Variants in NAA16 observed in about 807,000 individuals in gnomAD.
The protein encoded by NAA16 is NARG1-like protein.
In NAA16, 97 loss-of-function variants were observed where a neutral mutation model predicts 110.3. The observed-to-expected ratio is 0.88, with a 90% CI of 0.75 to 1.04. The LOEUF (loss-of-function observed/expected upper bound fraction) is 1.04, where lower values mean the gene tolerates loss of function less well. Ranked by LOEUF, NAA16 falls within the 50% of genes least tolerant of loss-of-function variation. NAA16 has a pLI of 0.00. For synonymous variants in NAA16, 372 were observed against 330.6 expected (o/e 1.13, Z -1.36); for missense variants, 1,017 against 1,005.1 (o/e 1.01, Z -0.16).
At chr13:41,315,429 C>T (rs1018202968) in intron 1 of NAA16, among the ~76,000 whole-genome samples, 4 of 152,052 alleles carry the variant, frequency 2.6e-5, no homozygotes, top group East Asian at 1.9e-4. Flanking sequence ...TGGTGGCATT[C>T]GGAAATAAAG....
At chr13:41,323,727 A>G (rs1334508767) in intron 5 of NAA16, among the ~76,000 whole-genome samples, 2 of 149,216 alleles carry the variant, frequency 1.3e-5, no homozygotes, top group Non-Finnish European at 3.0e-5. Flanking sequence ...TCAAATGATC[A>G]TCCTGCCTCG....
chr13:41,330,342 T>C (rs1271239701), intron 7 of NAA16, among the ~76,000 whole-genome samples: 1 of 152,012 alleles, frequency 6.6e-6, no homozygotes, highest in Non-Finnish European at 1.5e-5. Flanking sequence ...ATGCTTGATA[T>C]TAATCTTGAA....
At chr13:41,356,156 C>T (rs548847356) in intron 10 of NAA16, among the ~76,000 whole-genome samples, 103 of 151,614 alleles carry the variant, frequency 6.8e-4, no homozygotes, top group Non-Finnish European at 1.2e-3. Flanking sequence ...ATTTTGTGTG[C>T]GTGTGTGTGT....
chr13:41,370,811 C>T (rs1360089328), intron 15 of NAA16, among the ~76,000 whole-genome samples: 1 of 152,146 alleles, frequency 6.6e-6, no homozygotes, highest in Non-Finnish European at 1.5e-5. Context: ...ACCTTTAAGG[C>T]TCATTATGCC....
intron 13 of NAA16, among the ~76,000 whole-genome samples, chr13:41,363,638 A>C (rs2043155986): frequency 6.6e-6 from 1 of 152,308 alleles, no homozygotes; most frequent in South Asian, 2.1e-4. Flanking sequence ...CTGTAATGTC[A>C]GAAAATCTAC....
intron 14 of NAA16, 75 bp downstream of exon 14, chr13:41,367,727 G>C: frequency 1.1e-6 from 1 of 929,936 alleles, no homozygotes; most frequent in Non-Finnish European, 1.6e-6. Flanking sequence ...ACAATACCTA[G>C]AAAAATATTA....
rs1046644385 is a variant in NAA16 at position 41,376,492 on chromosome 13, C to G, written c.*890C>G. 6 of 152,142 alleles carry G rather than the reference C, an allele frequency of 3.9e-5. No individual in the cohort carries two copies. Among genetic ancestry groups the G allele is most frequent in the Non-Finnish European group, 8.8e-5 (6 of 68,038 alleles). 9.4% of individuals were successfully genotyped at this position (152,142 alleles called of 1,614,324 possible). On this transcript the variant is annotated 3_prime_UTR_variant, in exon 20 of 20. Coordinates refer to ENST00000379406, the MANE Select transcript of NAA16 (RefSeq NM_024561.5). ...TTTGCCTGTCAGTCATGGAAATTCA[C>G]TGGTAAAATTGTTGAATATTTCTCT...
intron 19 of NAA16, 107 bp from the exon 20 acceptor site, chr13:41,375,298 C>A: frequency 4.2e-6 from 3 of 722,336 alleles, no homozygotes; most frequent in Non-Finnish European, 6.7e-6. Flanking sequence ...TTATTTTAGA[C>A]TGAGGCAGCT....
In NAA16 at chr13:41,372,277, T is replaced by A; in HGVS notation, c.2022T>A (p.Thr674=). The A allele has an allele frequency of 1.3e-6, 2 of 1,598,736 alleles. No homozygotes were observed. Among genetic ancestry groups the A allele is most frequent in the East Asian group, 4.5e-5 (2 of 44,062 alleles). ...LKNLVADNID[T]HLLAFEIYFR... is the part of the protein sequence containing the mutation. ...ACCTTGTTGCTGATAACATTGACAC[T>A]CATCTGTTAGCATTTGAAATATATT... is the stretch of plus-strand genomic sequence containing the variant. The change falls in exon 16 of 20, where the codon ACT becomes ACA. Residue 674 remains threonine (T), a synonymous_variant. Transcript: ENST00000379406.
intron 5 of NAA16, among the ~76,000 whole-genome samples, chr13:41,324,394 G>A (rs1401249417): frequency 3.3e-5 from 2 of 60,968 alleles, no homozygotes; most frequent in African/African-American, 1.2e-4. Flanking sequence ...TTTTTTTTTT[G>A]AGACAGAGTC....
At chr13:41,333,281 C>G (rs955644569) in intron 8 of NAA16, among the ~76,000 whole-genome samples, 26 of 152,088 alleles carry the variant, frequency 1.7e-4, no homozygotes, top group African/African-American at 5.8e-4. Context: ...GAAATATAAT[C>G]CATATACCGT....
chr13:41,373,928 A>G, intron 18 of NAA16, 148 bp downstream of exon 18: 5 of 1,269,628 alleles, frequency 3.9e-6, no homozygotes, highest in Non-Finnish European at 5.1e-6. Flanking sequence ...ATGTTCAATA[A>G]TAGGGGAAAC....
chr13:41,324,011 T>G (rs9562287), intron 5 of NAA16, among the ~76,000 whole-genome samples: 14,173 of 152,284 alleles, frequency 0.093, 786 homozygotes, highest in East Asian at 0.23. Flanking sequence ...CTTGAGCTTC[T>G]TCCATCCTAT....
intron 2 of NAA16, among the ~76,000 whole-genome samples, chr13:41,318,115 G>A (rs1404370799): frequency 6.6e-6 from 1 of 152,072 alleles, no homozygotes; most frequent in Admixed American, 6.5e-5. Context: ...TTGTAAATCA[G>A]ATTGATGATT....
intron 11 of NAA16, 157 bp downstream of exon 11, chr13:41,358,630 G>A (rs1021113447): frequency 3.5e-6 from 5 of 1,442,030 alleles, no homozygotes; most frequent in Non-Finnish European, 3.7e-6. Flanking sequence ...TATAATCAAT[G>A]TGTAATTAGA....
intron 15 of NAA16, among the ~76,000 whole-genome samples, chr13:41,369,921 G>T (rs908564152): frequency 6.6e-6 from 1 of 152,196 alleles, no homozygotes; most frequent in Non-Finnish European, 1.5e-5. Flanking sequence ...CATAATAAGT[G>T]TGTTGTTTTA....
At chr13:41,313,846 T>A (rs1056223650) in intron 1 of NAA16, among the ~76,000 whole-genome samples, 2 of 149,372 alleles carry the variant, frequency 1.3e-5, no homozygotes, top group East Asian at 4.0e-4. Context: ...TAATGGTTCC[T>A]GAGTGAATGT....
intron 18 of NAA16, 44 bp downstream of exon 18, chr13:41,373,824 G>A (rs772074809): frequency 2.5e-5 from 38 of 1,539,802 alleles, no homozygotes; most frequent in Non-Finnish European, 3.0e-5. Context: ...TGGAAAAAGC[G>A]AACAAAGAGA....
intron 9 of NAA16, among the ~76,000 whole-genome samples, chr13:41,344,389 C>G (rs1277456426): frequency 6.6e-6 from 1 of 152,112 alleles, no homozygotes; most frequent in Non-Finnish European, 1.5e-5. Flanking sequence ...GTTTTAAAAC[C>G]ATCTTGGAAA....
Sources: gnomAD v4.1 joint callset for allele counts (sites outside exome capture counted in the v4.1 genomes callset) on GRCh38, gnomAD v4.1.1 for gene constraint, MANE v1.5 for transcripts, NCBI Gene and HGNC (gene_info 2026-07-23, HGNC 2026-07-21) for gene names.